PTPRT: variants seen among roughly 807,000 people sequenced by gnomAD.
PTPRT encodes the protein protein tyrosine phosphatase receptor type T.
Under a neutral mutation model 176.8 loss-of-function variants are expected in PTPRT, and 56 were observed. The observed-to-expected ratio is 0.32, with a 90% CI of 0.26 to 0.40. PTPRT has a LOEUF of 0.40. PTPRT is among the 10% of genes least tolerant of loss of function. PTPRT has a pLI of 1.00. For missense variants in PTPRT, 1,540 were observed against 1,908.2 expected, an observed-to-expected ratio of 0.81 and a Z score of 3.60; for synonymous variants, 783 against 739.0, an observed-to-expected ratio of 1.06 and a Z score of -0.96.
chr20:42,818,192 C>A (rs1266100173), intron 2 of PTPRT, among the ~76,000 whole-genome samples: 2 of 152,090 alleles, frequency 1.3e-5, no homozygotes, highest in Non-Finnish European at 2.9e-5. Context: ...TGCTCCCCAG[C>A]CTCCTTGAGT....
chr20:42,951,029 C>A (rs1171893482), intron 1 of PTPRT, among the ~76,000 whole-genome samples: 2 of 152,182 alleles, frequency 1.3e-5, no homozygotes, highest in East Asian at 3.9e-4. Context: ...CCTAACAGCA[C>A]TAAATGTATT....
chr20:42,451,720 G>T (rs539456302), intron 8 of PTPRT, among the ~76,000 whole-genome samples: 23 of 152,248 alleles, frequency 1.5e-4, no homozygotes, highest in African/African-American at 5.3e-4. Context: ...GTAAGATGTG[G>T]CTTTAAACTT....
chr20:42,335,941 G>C lies in PTPRT; in HGVS notation c.1865+14687C>G, dbSNP rs575883434. On this transcript the variant is annotated intron_variant, in intron 11 of 30. Coordinates refer to ENST00000373187, the MANE Select transcript of PTPRT (RefSeq NM_007050.6). ...TCAAATTTCATATCGGCTGCTACTA[G>C]CTGCATGATCTTGAGCAAGTTAGTT... 2.6e-5 allele frequency among the ~76,000 whole-genome samples: 4 copies of C among 152,272 alleles called. No homozygotes were observed. In the East Asian group the frequency reaches 7.7e-4, roughly 29 times the overall value.
intron 7 of PTPRT, among the ~76,000 whole-genome samples, chr20:42,646,784 A>G (rs2074910506): frequency 6.9e-6 from 1 of 145,114 alleles, no homozygotes; most frequent in African/African-American, 2.6e-5. Context: ...AACCCCACCC[A>G]CATCCCTCCC....
chr20:42,033,701 T>C, the PTPRT span, among the ~76,000 whole-genome samples: 1 of 152,166 alleles, frequency 6.6e-6, no homozygotes, highest in Non-Finnish European at 1.5e-5. Flanking sequence ...GAGTTCATTT[T>C]TTTCAGCTAT....
intron 6 of PTPRT, among the ~76,000 whole-genome samples, chr20:42,751,656 G>A (rs117219595): frequency 3.3e-5 from 5 of 152,186 alleles, no homozygotes; most frequent in East Asian, 1.9e-4. Flanking sequence ...TGAAAGAAGC[G>A]GACTTGCTGA....
At chr20:42,305,511 A>G (rs1216224431) in intron 12 of PTPRT, among the ~76,000 whole-genome samples, 1 of 151,912 alleles carries the variant, frequency 6.6e-6, no homozygotes, top group African/African-American at 2.4e-5. Context: ...TAAAATTTAC[A>G]GTTAAAAATT....
intron 4 of PTPRT, among the ~76,000 whole-genome samples, chr20:42,773,175 A>C (rs1469307228): frequency 6.6e-6 from 1 of 152,212 alleles, no homozygotes; most frequent in African/African-American, 2.4e-5. Context: ...TATTTTATTA[A>C]AAGTGACCCC....
rs559362133 is a variant in PTPRT at position 42,783,384 on chromosome 20, A to C, written c.487-3085T>G. ...GACTCTTGAGAATCAACAAAAAAAA[A>C]AACCCAAATCATTCAAATTAAAAAG... is the stretch of plus-strand genomic sequence containing the variant. On this transcript the variant is annotated intron_variant, in intron 3 of 30. Transcript: ENST00000373187. 6.6e-5 allele frequency among the ~76,000 whole-genome samples: 10 copies of C among 152,324 alleles called. No individual in the cohort carries two copies. In the South Asian group the frequency reaches 2.1e-3, roughly 32 times the overall value.
Position 42,889,078 on chromosome 20 carries a change from A to C in PTPRT, c.89-3146T>G, listed in dbSNP as rs571391451. Among the ~76,000 whole-genome samples the C allele has an allele frequency of 2.2e-3, 339 of 151,808 alleles. 2 individuals carry two copies. The highest frequency in any genetic ancestry group is 7.8e-3 in the African/African-American group (323 of 41,410). ...CCCTAGTCCGTTGGATCCATTGCCCACCCCTCACCTCCCTGCCTCTGCTTA... is the reference window on the plus strand; with the variant it reads ...CCCTAGTCCGTTGGATCCATTGCCCCCCCCTCACCTCCCTGCCTCTGCTTA... On this transcript the variant is annotated intron_variant, in intron 1 of 30. Transcript: ENST00000373187.
At chr20:42,530,031 G>C (rs6030305) in intron 7 of PTPRT, among the ~76,000 whole-genome samples, 149,541 of 152,252 alleles carry the variant, frequency 0.98, 73,473 homozygotes, top group Middle Eastern at 1. Flanking sequence ...GCACAGCAAG[G>C]CTTTTTGTTA....
At chr20:43,065,951 C>T (rs2011108489) in intron 1 of PTPRT, among the ~76,000 whole-genome samples, 1 of 152,178 alleles carries the variant, frequency 6.6e-6, no homozygotes, top group Non-Finnish European at 1.5e-5. Context: ...AGGACTGGAA[C>T]TCCTGTCCCT....
At chr20:42,939,027 A>G (rs1277683333) in intron 1 of PTPRT, among the ~76,000 whole-genome samples, 1 of 152,182 alleles carries the variant, frequency 6.6e-6, no homozygotes, top group African/African-American at 2.4e-5. Flanking sequence ...TGATCTCCAG[A>G]GAGGGTTTTA....
chr20:42,210,628 G>C (rs1384217157), intron 15 of PTPRT, among the ~76,000 whole-genome samples: 1 of 150,368 alleles, frequency 6.7e-6, no homozygotes, highest in Non-Finnish European at 1.5e-5. Flanking sequence ...ACAAACCACT[G>C]CTCAAGGAAA....
chr20:42,406,411 T>C (rs1429309866), intron 9 of PTPRT, among the ~76,000 whole-genome samples: 2 of 152,024 alleles, frequency 1.3e-5, no homozygotes, highest in Non-Finnish European at 1.5e-5. Context: ...ATAAGAAATT[T>C]GAGAATTTCG....
intron 1 of PTPRT, among the ~76,000 whole-genome samples, chr20:42,906,385 T>C (rs2079478912): frequency 6.6e-6 from 1 of 152,164 alleles, no homozygotes; most frequent in South Asian, 2.1e-4. Context: ...ATCTCCCTCA[T>C]GGCTCCCTCA....
intron 13 of PTPRT, among the ~76,000 whole-genome samples, chr20:42,261,985 T>C (rs1480634988): frequency 1.3e-5 from 2 of 152,050 alleles, no homozygotes; most frequent in East Asian, 3.9e-4. Flanking sequence ...TAGGAAGGAT[T>C]AGTGGAAGCA....
chr20:42,885,868 C>T lies in PTPRT; in HGVS notation c.153G>A (p.Gly51=). Reference sequence around the variant, plus strand: ...ATGTGTTAATCTGCTCCCAGGTGAACCCATTGGTCCCTAGAGCCACACTAT... The same window carrying T: ...ATGTGTTAATCTGCTCCCAGGTGAATCCATTGGTCCCTAGAGCCACACTAT... ...CGYSVALGTN[G]FTWEQINTWE... Residue 51 remains glycine, a synonymous_variant, in exon 2 of 31, where the codon GGG becomes GGA. Coordinates refer to ENST00000373187, the MANE Select transcript of PTPRT (RefSeq NM_007050.6). 1 of 1,611,006 alleles carries T rather than the reference C, an allele frequency of 6.2e-7. No homozygotes were observed.
At chr20:42,712,422 T>C (rs1318578746) in intron 6 of PTPRT, among the ~76,000 whole-genome samples, 1 of 152,118 alleles carries the variant, frequency 6.6e-6, no homozygotes, top group African/African-American at 2.4e-5. Flanking sequence ...TATGTACTCC[T>C]CCCAGTTGAT....
Sources: gnomAD v4.1 joint callset for allele counts (sites outside exome capture counted in the v4.1 genomes callset) on GRCh38, gnomAD v4.1.1 for gene constraint, MANE v1.5 for transcripts, NCBI Gene and HGNC (gene_info 2026-07-23, HGNC 2026-07-21) for gene names.